Variants in ABHD3 observed in about 807,000 individuals in gnomAD.
ABHD3 encodes phospholipase ABHD3.
Under a neutral mutation model 48.8 loss-of-function variants are expected in ABHD3, and 46 were observed. That is an observed-to-expected ratio of 0.94 (90% confidence interval 0.74 to 1.20). The LOEUF is 1.20. ABHD3 is among the 50% of genes most tolerant of loss of function. The pLI is 0.00. For synonymous variants in ABHD3, 192 were observed against 183.7 expected (o/e 1.04, Z -0.36); for missense variants, 490 against 497.8 (o/e 0.98, Z 0.15).
At chr18:21,653,052 CAAA>C (rs745321830) in intron 8 of ABHD3, among the ~76,000 whole-genome samples, 30 of 4,900 alleles carry the variant, frequency 6.1e-3, no homozygotes, top group African/African-American at 0.027. Flanking sequence ...GACTCCATCT[CAAA>C]AAAAAAAAAA....
intron 6 of ABHD3, among the ~76,000 whole-genome samples, chr18:21,658,192 G>C (rs1417184159): frequency 6.6e-6 from 1 of 150,896 alleles, no homozygotes; most frequent in Non-Finnish European, 1.5e-5. Flanking sequence ...GAGAGACCCA[G>C]TCTTAAAAAA....
chr18:21,702,311 G>T lies in ABHD3; in HGVS notation c.509+5C>A, dbSNP rs772792274. ...AGTGAAAAAAAAGAAATCTTTTACT[G>T]GTACCTGTATCCTAATTCTTCACTA... is the stretch of plus-strand genomic sequence containing the variant. On this transcript the variant is annotated splice_donor_5th_base_variant and intron_variant, in intron 3 of 8. Coordinates refer to ENST00000289119, the MANE Select transcript of ABHD3 (RefSeq NM_138340.5). 3 of 1,564,082 alleles carry T rather than the reference G, an allele frequency of 1.9e-6. No homozygotes were observed. Among genetic ancestry groups the T allele is most frequent in the Non-Finnish European group, 2.6e-6 (3 of 1,151,882 alleles).
intron 4 of ABHD3, among the ~76,000 whole-genome samples, chr18:21,666,575 C>T (rs2039636280): frequency 6.6e-6 from 1 of 152,174 alleles, no homozygotes; most frequent in African/African-American, 2.4e-5. Context: ...AATGATCTAC[C>T]CGCCCTGGTT....
At chr18:21,703,536 A>G in intron 2 of ABHD3, 48 bp downstream of exon 2, 1 of 1,581,776 alleles carries the variant, frequency 6.3e-7, no homozygotes, top group East Asian at 2.3e-5. Flanking sequence ...CAAGCAAACA[A>G]ACAACCTGTG....
At chr18:21,699,734 G>A (rs2040465017) in intron 3 of ABHD3, among the ~76,000 whole-genome samples, 1 of 152,178 alleles carries the variant, frequency 6.6e-6, no homozygotes, top group African/African-American at 2.4e-5. Context: ...AGGCTGGAGT[G>A]CAATTGCGCA....
chr18:21,700,747 C>T (rs1235179953), intron 3 of ABHD3, among the ~76,000 whole-genome samples: 2 of 142,700 alleles, frequency 1.4e-5, no homozygotes, highest in African/African-American at 5.2e-5. Context: ...CAGCTCAGGC[C>T]AAATCTAGAA....
At chr18:21,656,839 T>C in intron 8 of ABHD3, 22 bp downstream of exon 8, 2 of 1,545,584 alleles carry the variant, frequency 1.3e-6, no homozygotes, top group Non-Finnish European at 8.8e-7. Flanking sequence ...TGTCAAAATA[T>C]ATACAAATAT....
At chr18:21,660,683 A>G (rs1429252497) in intron 5 of ABHD3, among the ~76,000 whole-genome samples, 4 of 152,160 alleles carry the variant, frequency 2.6e-5, no homozygotes, top group Admixed American at 6.6e-5. Flanking sequence ...TTCCAGTTCA[A>G]ATGACTTGCT....
At chr18:21,668,525 A>T (rs1292026966) in intron 4 of ABHD3, among the ~76,000 whole-genome samples, 1 of 152,196 alleles carries the variant, frequency 6.6e-6, no homozygotes, top group Non-Finnish European at 1.5e-5. Context: ...TTTGTGTCAA[A>T]AGGACCATAG....
chr18:21,695,731 T>C (rs185093161), intron 3 of ABHD3, among the ~76,000 whole-genome samples: 106 of 152,306 alleles, frequency 7.0e-4, no homozygotes, highest in Middle Eastern at 6.8e-3. Context: ...TCTACCTTCT[T>C]AGATTTTTAC....
chr18:21,699,578 A>G (rs565587593), intron 3 of ABHD3, among the ~76,000 whole-genome samples: 2 of 152,146 alleles, frequency 1.3e-5, no homozygotes, highest in Non-Finnish European at 2.9e-5. Flanking sequence ...CTATTTCCCT[A>G]CACTTTGACT....
chr18:21,700,199 C>T (rs757585716), intron 3 of ABHD3, among the ~76,000 whole-genome samples: 1 of 151,508 alleles, frequency 6.6e-6, no homozygotes, highest in Admixed American at 6.6e-5. Flanking sequence ...AAGCAATTCT[C>T]CTGCCTCAGC....
At chr18:21,665,026 C>T (rs1277446031) in intron 4 of ABHD3, among the ~76,000 whole-genome samples, 2 of 151,804 alleles carry the variant, frequency 1.3e-5, no homozygotes, top group Non-Finnish European at 2.9e-5. Context: ...CTCACTGCAA[C>T]CTCTGCCTCC....
intron 5 of ABHD3, among the ~76,000 whole-genome samples, chr18:21,660,312 T>C (rs1246496736): frequency 3.3e-5 from 5 of 151,954 alleles, no homozygotes; most frequent in Non-Finnish European, 7.4e-5. Flanking sequence ...CCTTGCACCC[T>C]GTGGCAAGTT....
intron 8 of ABHD3, among the ~76,000 whole-genome samples, chr18:21,653,481 T>A (rs1821217425): frequency 6.6e-6 from 1 of 151,012 alleles, no homozygotes; most frequent in Non-Finnish European, 1.5e-5. Flanking sequence ...GAATTAAAGT[T>A]TTTTTTTTCT....
chr18:21,671,760 C>T (rs1418645234), intron 4 of ABHD3, among the ~76,000 whole-genome samples: 1 of 152,150 alleles, frequency 6.6e-6, no homozygotes, highest in Admixed American at 6.6e-5. Context: ...AATTATCCAA[C>T]TGTGACTATG....
At chr18:21,675,272 T>G (rs907122243) in intron 4 of ABHD3, among the ~76,000 whole-genome samples, 39 of 143,846 alleles carry the variant, frequency 2.7e-4, no homozygotes, top group African/African-American at 8.6e-4. Flanking sequence ...GTTTTTTTTT[T>G]TTTTTTTTTT....
rs561734449 is a variant in ABHD3 at position 21,703,223 on chromosome 18, C to G, written c.326+361G>C. 2.5e-4 allele frequency among the ~76,000 whole-genome samples: 32 copies of G among 127,548 alleles called. 2 individuals carry two copies. Among genetic ancestry groups the G allele is most frequent in the African/African-American group, 8.8e-4 (31 of 35,166 alleles). 83.7% of individuals were successfully genotyped at this position (127,548 alleles called of 152,430 possible). On this transcript the variant is annotated intron_variant, in intron 2 of 8. Coordinates refer to ENST00000289119, the MANE Select transcript of ABHD3 (RefSeq NM_138340.5). ...AGTGGCATCCTTCTCACCCCACCCC[C>G]CCCCCCAGTATCTGCTACTTATCAA...
At chr18:21,682,129 C>G (rs1256166590) in intron 4 of ABHD3, 1 of 152,212 alleles carries the variant, frequency 6.6e-6, no homozygotes, top group Non-Finnish European at 1.5e-5. Context: ...AGGGCAAGAC[C>G]CTGTCTCCAA....
Sources: gnomAD v4.1 joint callset for allele counts (sites outside exome capture counted in the v4.1 genomes callset) on GRCh38, gnomAD v4.1.1 for gene constraint, MANE v1.5 for transcripts, NCBI Gene and HGNC (gene_info 2026-07-23, HGNC 2026-07-21) for gene names.